GPR141: variants seen among roughly 807,000 people sequenced by gnomAD.
The protein encoded by GPR141 is G protein-coupled receptor 141, also known as probable G protein-coupled receptor 141.
Under a neutral mutation model 6.8 loss-of-function variants are expected in GPR141, and 6 were observed. That is an observed-to-expected ratio of 0.88 (90% CI 0.48 to 1.74). The LOEUF (loss-of-function observed/expected upper bound fraction) is 1.74, where lower values mean the gene tolerates loss of function less well. Among genes scored for constraint, GPR141 ranks in the 40% most tolerant of loss-of-function variants. The pLI is 0.01. For missense variants in GPR141, 372 were observed against 372.9 expected (o/e 1.00, Z 0.02); for synonymous variants, 140 against 142.3 (o/e 0.98, Z 0.11).
At chr7:37,726,116 C>T (rs1431177762) in intron 2 of GPR141, among the ~76,000 whole-genome samples, 1 of 152,178 alleles carries the variant, frequency 6.6e-6, no homozygotes, top group East Asian at 1.9e-4. Flanking sequence ...TTGGTATGAA[C>T]ATGAGCATTT....
At chr7:37,716,729 T>C (rs2131803652) in intron 2 of GPR141, among the ~76,000 whole-genome samples, 1 of 152,244 alleles carries the variant, frequency 6.6e-6, no homozygotes, top group East Asian at 1.9e-4. Context: ...GGAACCAGTG[T>C]ATTGCAAAGT....
chr7:37,742,247 T>C lies in GPR141; in HGVS notation c.*936T>C, dbSNP rs1049660331. 3.9e-5 allele frequency among the ~76,000 whole-genome samples: 6 copies of C among 151,940 alleles called. No individual in the cohort carries two copies. Among genetic ancestry groups the C allele is most frequent in the Admixed American group, 6.6e-5 (1 of 15,246 alleles). Reference sequence around the variant, plus strand: ...GCTCCCTTCCGCCGTTAAAATTATATATATATATATTTAAATTATACCTTA... The same window carrying C: ...GCTCCCTTCCGCCGTTAAAATTATACATATATATATTTAAATTATACCTTA... On this transcript the variant is annotated 3_prime_UTR_variant, in exon 3 of 3. Coordinates refer to ENST00000334425, the MANE Select transcript of GPR141 (RefSeq NM_001381946.1).
intron 2 of GPR141, among the ~76,000 whole-genome samples, chr7:37,707,902 G>A (rs952383851): frequency 6.6e-6 from 1 of 152,144 alleles, no homozygotes; most frequent in African/African-American, 2.4e-5. Context: ...TTTTTCTCGG[G>A]AGGCAGATTT....
At chr7:37,723,784 A>G (rs1811474716) in intron 2 of GPR141, among the ~76,000 whole-genome samples, 1 of 152,214 alleles carries the variant, frequency 6.6e-6, no homozygotes, top group Non-Finnish European at 1.5e-5. Context: ...CTGTAGTAGC[A>G]CTGGACACTC....
At chr7:37,709,258 A>G (rs1011144217) in intron 2 of GPR141, among the ~76,000 whole-genome samples, 18 of 152,216 alleles carry the variant, frequency 1.2e-4, no homozygotes, top group African/African-American at 4.3e-4. Context: ...CAATAAATAA[A>G]TATATTTGGA....
chr7:37,692,631 G>A (rs190139316), intron 2 of GPR141, among the ~76,000 whole-genome samples: 9 of 152,106 alleles, frequency 5.9e-5, no homozygotes, highest in East Asian at 5.8e-4. Flanking sequence ...AAAAGCATAC[G>A]TATTTCTCCA....
At chr7:37,699,569 A>T (rs1810185287) in intron 2 of GPR141, among the ~76,000 whole-genome samples, 1 of 152,182 alleles carries the variant, frequency 6.6e-6, no homozygotes, top group Non-Finnish European at 1.5e-5. Context: ...TCAAAAAACA[A>T]AACAAAACAA....
chr7:37,740,203 T>G (rs1364585784), intron 2 of GPR141, among the ~76,000 whole-genome samples, 177 bp from the exon 3 acceptor site: 3 of 152,334 alleles, frequency 2.0e-5, no homozygotes, highest in Non-Finnish European at 2.9e-5. Context: ...AATGGCTTAC[T>G]GTGTTTTAGG....
At chr7:37,699,192 T>G (rs1471933194) in intron 2 of GPR141, among the ~76,000 whole-genome samples, 1 of 152,178 alleles carries the variant, frequency 6.6e-6, no homozygotes, top group African/African-American at 2.4e-5. Context: ...ATATTTGTGG[T>G]TCTGTGGGCC....
intron 2 of GPR141, among the ~76,000 whole-genome samples, chr7:37,737,843 C>A (rs1384564084): frequency 1.3e-5 from 2 of 152,138 alleles, no homozygotes; most frequent in South Asian, 4.1e-4. Flanking sequence ...AGAAAGGGTT[C>A]GGGTGGATAT....
intron 2 of GPR141, among the ~76,000 whole-genome samples, chr7:37,688,416 G>C (rs1809609967): frequency 6.6e-6 from 1 of 151,894 alleles, no homozygotes; most frequent in Non-Finnish European, 1.5e-5. Context: ...TGGGCAACAA[G>C]AGCAAAACTC....
At chr7:37,739,365 C>T (rs1303543670) in intron 2 of GPR141, among the ~76,000 whole-genome samples, 2 of 151,992 alleles carry the variant, frequency 1.3e-5, no homozygotes, top group African/African-American at 4.8e-5. Context: ...CTTCTTTTTT[C>T]CTCATTTCCC....
chr7:37,689,828 C>A (rs576181985), intron 2 of GPR141, among the ~76,000 whole-genome samples: 1 of 150,622 alleles, frequency 6.6e-6, no homozygotes, highest in South Asian at 2.1e-4. Context: ...TTGTCAATTT[C>A]ATTTATATTT....
At chr7:37,714,489 G>A (rs1337133635) in intron 2 of GPR141, among the ~76,000 whole-genome samples, 2 of 152,144 alleles carry the variant, frequency 1.3e-5, no homozygotes, top group African/African-American at 2.4e-5. Context: ...CAGCCATACG[G>A]CCCACTAGGT....
intron 2 of GPR141, among the ~76,000 whole-genome samples, chr7:37,696,990 G>C (rs1216665442): frequency 6.6e-6 from 1 of 152,156 alleles, no homozygotes; most frequent in Non-Finnish European, 1.5e-5. Flanking sequence ...GATAGATAGA[G>C]AGTGAGAGAG....
At chr7:37,730,254 T>C (rs1215362781) in intron 2 of GPR141, among the ~76,000 whole-genome samples, 1 of 152,212 alleles carries the variant, frequency 6.6e-6, no homozygotes, top group Non-Finnish European at 1.5e-5. Context: ...ACTTGACACA[T>C]ACCATGTTCC....
intron 2 of GPR141, among the ~76,000 whole-genome samples, chr7:37,696,666 G>T (rs1223517896): frequency 6.6e-6 from 1 of 151,816 alleles, no homozygotes; most frequent in Non-Finnish European, 1.5e-5. Context: ...GCCTTACAAA[G>T]ATAATTTTAG....
At chr7:37,689,352 T>G (rs1290155956) in intron 2 of GPR141, among the ~76,000 whole-genome samples, 3 of 152,140 alleles carry the variant, frequency 2.0e-5, no homozygotes, top group Non-Finnish European at 1.5e-5. Flanking sequence ...TATAATTTTC[T>G]TTTTTGGTTG....
chr7:37,713,296 T>C (rs1424252823), intron 2 of GPR141: 1 of 152,166 alleles, frequency 6.6e-6, no homozygotes, highest in East Asian at 1.9e-4. Context: ...TAAAATACCA[T>C]TAGATTCTGA....
Sources: gnomAD v4.1 joint callset for allele counts (sites outside exome capture counted in the v4.1 genomes callset) on GRCh38, gnomAD v4.1.1 for gene constraint, MANE v1.5 for transcripts, NCBI Gene and HGNC (gene_info 2026-07-23, HGNC 2026-07-21) for gene names.